PIBF1: variants seen among roughly 807,000 people sequenced by gnomAD.
PIBF1 encodes progesterone-induced-blocking factor 1.
PIBF1 carries 90 observed loss-of-function variants against 112.5 expected under a neutral mutation model. The observed-to-expected ratio is 0.80, with a 90% CI of 0.67 to 0.95. The LOEUF (loss-of-function observed/expected upper bound fraction) is 0.95. PIBF1 is among the 40% of genes least tolerant of loss of function. PIBF1 has a pLI of 0.00. For missense variants in PIBF1, 915 were observed against 852.3 expected, an observed-to-expected ratio of 1.07 and a Z score of -0.92; for synonymous variants, 301 against 288.6, an observed-to-expected ratio of 1.04 and a Z score of -0.44.
intron 14 of PIBF1, among the ~76,000 whole-genome samples, chr13:72,961,582 C>T (rs1176264908): frequency 6.6e-6 from 1 of 152,034 alleles, no homozygotes; most frequent in South Asian, 2.1e-4. Flanking sequence ...AGACGTTTAT[C>T]GCCAAATAGT....
At chr13:72,991,941 A>G (rs1471220826) in intron 16 of PIBF1, among the ~76,000 whole-genome samples, 2 of 152,066 alleles carry the variant, frequency 1.3e-5, no homozygotes, top group African/African-American at 4.8e-5. Flanking sequence ...GATGGTCTTG[A>G]TCTCCTGACC....
At chr13:72,904,628 A>T (rs2040626458) in intron 11 of PIBF1, among the ~76,000 whole-genome samples, 1 of 150,824 alleles carries the variant, frequency 6.6e-6, no homozygotes, top group African/African-American at 2.4e-5. Flanking sequence ...TTTAGTAGAG[A>T]CAGGGTTTTG....
intron 9 of PIBF1, among the ~76,000 whole-genome samples, chr13:72,838,030 C>T (rs1340853307): frequency 3.3e-5 from 5 of 152,170 alleles, no homozygotes; most frequent in African/African-American, 7.2e-5. Flanking sequence ...TGATTACTTG[C>T]TCTGAAAGTT....
chr13:72,969,974 T>C (rs1337369271), intron 15 of PIBF1, among the ~76,000 whole-genome samples: 1 of 152,210 alleles, frequency 6.6e-6, no homozygotes, highest in East Asian at 1.9e-4. Flanking sequence ...GGAAAATTCC[T>C]ATTCCTCATT....
Position 72,908,658 on chromosome 13 carries a change from AAAT to A in PIBF1, c.1623_1625del (p.Ile541del). The A allele has an allele frequency of 6.2e-7, 1 of 1,613,224 alleles. No individual in the cohort carries two copies. Among genetic ancestry groups the A allele is most frequent in the Non-Finnish European group, 8.5e-7 (1 of 1,179,564 alleles). ...GAGAAACTGGAAAAAGAGCTTGATG[AAAT>A]AATAATGCAAACTGCAGAAAGTAAG... On this transcript the variant is annotated inframe_deletion, in exon 12 of 18. Coordinates refer to ENST00000326291, the MANE Select transcript of PIBF1 (RefSeq NM_006346.4).
intron 13 of PIBF1, among the ~76,000 whole-genome samples, chr13:72,918,577 G>C (rs577097727): frequency 2.6e-5 from 4 of 151,666 alleles, no homozygotes; most frequent in Admixed American, 1.3e-4. Flanking sequence ...TAGTAGAGAT[G>C]GGGTTTCACC....
At chr13:72,874,881 C>T (rs1594101724) in intron 10 of PIBF1, among the ~76,000 whole-genome samples, 1 of 152,064 alleles carries the variant, frequency 6.6e-6, no homozygotes, top group Non-Finnish European at 1.5e-5. Context: ...AACATCCCCA[C>T]CAGAGTGCTA....
Position 72,908,600 on chromosome 13 carries a change from A to G in PIBF1, c.1558A>G (p.Asn520Asp), listed in dbSNP as rs2040783904. 1 of 1,613,078 alleles carries G rather than the reference A, an allele frequency of 6.2e-7. No individual in the cohort carries two copies. The highest frequency in any genetic ancestry group is 1.3e-5 in the African/African-American group (1 of 75,022). The part of the protein sequence containing the change: ...EKRITELQAQ[N>D]SEHQARLDIY... ...ACGCATTACTGAACTTCAAGCACAGAACTCAGAGCATCAAGCAAGGCTAGA... is the reference window on the plus strand; with the variant it reads ...ACGCATTACTGAACTTCAAGCACAGGACTCAGAGCATCAAGCAAGGCTAGA... The change falls in exon 12 of 18, where the codon AAC (asparagine) becomes GAC (aspartate). Residue 520 changes from asparagine (N) to aspartate (D), a missense_variant. By Grantham distance (23) the Asn-to-Asp change is conservative. Coordinates refer to ENST00000326291, the MANE Select transcript of PIBF1 (RefSeq NM_006346.4).
intron 11 of PIBF1, among the ~76,000 whole-genome samples, chr13:72,899,946 T>G (rs2040422075): frequency 6.6e-6 from 1 of 152,152 alleles, no homozygotes; most frequent in Non-Finnish European, 1.5e-5. Context: ...TCAGTAGCAC[T>G]TCTATACACC....
intron 16 of PIBF1, among the ~76,000 whole-genome samples, chr13:72,981,436 C>T (rs1005782360): frequency 4.6e-5 from 7 of 151,924 alleles, no homozygotes; most frequent in Non-Finnish European, 1.0e-4. Flanking sequence ...AGATCCATAG[C>T]AGAGTCATGG....
chr13:72,922,306 A>G (rs991252448), intron 13 of PIBF1, among the ~76,000 whole-genome samples: 1 of 152,128 alleles, frequency 6.6e-6, no homozygotes, highest in African/African-American at 2.4e-5. Flanking sequence ...CTGGGACACA[A>G]TTATAGAAAG....
At chr13:72,928,026 C>CATATATATACAT (rs2041576598) in intron 13 of PIBF1, among the ~76,000 whole-genome samples, 1 of 118,632 alleles carries the variant, frequency 8.4e-6, no homozygotes, top group African/African-American at 3.6e-5. Flanking sequence ...CATATATATA[C>CATATATATACAT]ATATATATAT....
intron 10 of PIBF1, among the ~76,000 whole-genome samples, chr13:72,883,869 G>A (rs2039740420): frequency 6.6e-6 from 1 of 152,144 alleles, no homozygotes; most frequent in Non-Finnish European, 1.5e-5. Context: ...TGGGGCGGGA[G>A]GATCACTTGA....
At chr13:72,790,199 G>A (rs1298689841) in intron 2 of PIBF1, among the ~76,000 whole-genome samples, 1 of 152,016 alleles carries the variant, frequency 6.6e-6, no homozygotes, top group Non-Finnish European at 1.5e-5. Context: ...CCTGATTTCT[G>A]TATTCAAAAT....
intron 11 of PIBF1, among the ~76,000 whole-genome samples, chr13:72,907,389 A>G (rs939350698): frequency 6.6e-6 from 1 of 152,124 alleles, no homozygotes; most frequent in Non-Finnish European, 1.5e-5. Context: ...TTGTCTTTAA[A>G]AGTGTTTAAT....
At chr13:72,782,676 TGA>T (rs1350716043) in intron 1 of PIBF1, among the ~76,000 whole-genome samples, 1 of 152,208 alleles carries the variant, frequency 6.6e-6, no homozygotes, top group African/African-American at 2.4e-5. Context: ...AACATTCTTA[TGA>T]GAGAGTTAGA....
intron 10 of PIBF1, among the ~76,000 whole-genome samples, chr13:72,889,181 T>C (rs1439464033): frequency 6.6e-6 from 1 of 152,210 alleles, no homozygotes; most frequent in Non-Finnish European, 1.5e-5. Context: ...AGAAAATTTA[T>C]GAAAATATAA....
intron 10 of PIBF1, among the ~76,000 whole-genome samples, chr13:72,861,696 G>A (rs147710962): frequency 1.2e-4 from 19 of 152,206 alleles, no homozygotes; most frequent in African/African-American, 1.9e-4. Context: ...CTACTGAGTC[G>A]CTGGGACTAC....
intron 11 of PIBF1, among the ~76,000 whole-genome samples, chr13:72,897,946 C>A (rs1366620288): frequency 1.3e-5 from 2 of 152,164 alleles, no homozygotes; most frequent in Non-Finnish European, 2.9e-5. Context: ...TTAAACTGTA[C>A]CTTGGAACAA....
Sources: gnomAD v4.1 joint callset for allele counts (sites outside exome capture counted in the v4.1 genomes callset) on GRCh38, gnomAD v4.1.1 for gene constraint, MANE v1.5 for transcripts, NCBI Gene and HGNC (gene_info 2026-07-23, HGNC 2026-07-21) for gene names.